ZNF280C: variants seen among roughly 807,000 people sequenced by gnomAD.
ZNF280C encodes the protein zinc finger protein 280C, also known as suppressor of hairy wing homolog 3.
In ZNF280C, 14 loss-of-function variants were observed where a neutral mutation model predicts 53.6. That is an observed-to-expected ratio of 0.26 (90% CI 0.17 to 0.41). The LOEUF is 0.41. ZNF280C is among the 10% of genes least tolerant of loss of function. The pLI, the probability that ZNF280C is intolerant of heterozygous loss-of-function variation, is 1.00. For synonymous variants in ZNF280C, 203 were observed against 181.1 expected, an observed-to-expected ratio of 1.12 and a Z score of -0.97; for missense variants, 416 against 547.1, an observed-to-expected ratio of 0.76 and a Z score of 2.39.
intron 8 of ZNF280C, among the ~76,000 whole-genome samples, 163 bp from the exon 9 acceptor site, chrX:130,230,890 T>TA (rs1225470956): frequency 1.8e-5 from 2 of 111,932 alleles, no homozygotes; most frequent in Non-Finnish European, 3.8e-5. Context: ...TTACATATTC[T>TA]AAAAAAATTC....
At chrX:130,268,396 A>T (rs2032713102) in intron 1 of ZNF280C, among the ~76,000 whole-genome samples, 2 of 111,785 alleles carry the variant, frequency 1.8e-5, no homozygotes, top group African/African-American at 6.5e-5. Flanking sequence ...TATCAACCGT[A>T]CAAAAGACGA....
intron 3 of ZNF280C, among the ~76,000 whole-genome samples, chrX:130,245,575 T>G (rs950045409): frequency 9.0e-6 from 1 of 111,542 alleles, no homozygotes; most frequent in Admixed American, 9.5e-5. Context: ...CCAAGAGAAG[T>G]AAGAACTAGG....
At chrX:130,233,462 C>T (rs960672369) in intron 8 of ZNF280C, among the ~76,000 whole-genome samples, 11 of 108,859 alleles carry the variant, frequency 1.0e-4, no homozygotes, top group East Asian at 2.9e-4. Context: ...ACTAAAAATA[C>T]GAAATTAGCT....
chrX:130,262,129 G>C (rs1169474906), intron 1 of ZNF280C, among the ~76,000 whole-genome samples: 1 of 112,197 alleles, frequency 8.9e-6, no homozygotes, highest in Non-Finnish European at 1.9e-5. Context: ...AGCCACCAAA[G>C]AGTCTCAATT....
intron 5 of ZNF280C, among the ~76,000 whole-genome samples, chrX:130,240,816 C>T (rs1230194872): frequency 8.9e-6 from 1 of 111,909 alleles, no homozygotes; most frequent in African/African-American, 3.2e-5. Flanking sequence ...ATTCAGAAGA[C>T]CTGTCCATTT....
At chrX:130,240,699 C>A (rs1164526200) in intron 5 of ZNF280C, among the ~76,000 whole-genome samples, 1 of 112,067 alleles carries the variant, frequency 8.9e-6, no homozygotes, top group Non-Finnish European at 1.9e-5. Flanking sequence ...CATTATTCAA[C>A]AAACAACCTG....
intron 2 of ZNF280C, among the ~76,000 whole-genome samples, chrX:130,250,297 G>A (rs1045670241): frequency 1.8e-5 from 2 of 111,595 alleles, no homozygotes; most frequent in Non-Finnish European, 3.8e-5. Flanking sequence ...AATCAGAGCT[G>A]AACTGAAGGA....
intron 15 of ZNF280C, among the ~76,000 whole-genome samples, 182 bp downstream of exon 15, chrX:130,215,011 C>T (rs1170148629): frequency 8.9e-6 from 1 of 111,855 alleles, no homozygotes; most frequent in African/African-American, 3.2e-5. Flanking sequence ...GAGTTTTTGT[C>T]CCAGTAATTT....
chrX:130,203,792 A>C lies in ZNF280C; in HGVS notation c.*1185T>G, dbSNP rs2031940848. On this transcript the variant is annotated 3_prime_UTR_variant, in exon 19 of 19. Coordinates refer to ENST00000370978, the MANE Select transcript of ZNF280C (RefSeq NM_017666.5). Reference sequence around the variant, plus strand: ...ATTGTAGAAATTTTGTTTTTCCAAAAACAAGAAAGTAACCTTGGTTCCCAA... The same window carrying C: ...ATTGTAGAAATTTTGTTTTTCCAAACACAAGAAAGTAACCTTGGTTCCCAA... 1 of 112,653 alleles carries C rather than the reference A, an allele frequency of 8.9e-6. No individual in the cohort carries two copies. Among genetic ancestry groups the C allele is most frequent in the Admixed American group, 9.4e-5 (1 of 10,595 alleles). The allele number at this position is 112,653 out of a possible 1,213,427, so 9.3% of individuals were successfully genotyped here.
chrX:130,222,421 A>G (rs2032177636), intron 12 of ZNF280C, among the ~76,000 whole-genome samples: 3 of 111,049 alleles, frequency 2.7e-5, no homozygotes, highest in South Asian at 7.6e-4. Context: ...TCCTTGGCAT[A>G]TATTAGGCAC....
intron 13 of ZNF280C, among the ~76,000 whole-genome samples, chrX:130,217,335 A>C (rs895569122): frequency 1.8e-5 from 2 of 112,276 alleles, no homozygotes; most frequent in Non-Finnish European, 3.8e-5. Context: ...AAGCGAAAGA[A>C]ACCAGTCCCT....
In ZNF280C at chrX:130,204,618, G is replaced by C. The variant is rs1339651343; in HGVS notation, c.*359C>G. On this transcript the variant is annotated 3_prime_UTR_variant, in exon 19 of 19. Transcript: ENST00000370978. Reference sequence around the variant, plus strand: ...AAAAATGGTTATCTGACCTAAACATGTAAGACTTATAAGAAATTAAGAAAG... The same window carrying C: ...AAAAATGGTTATCTGACCTAAACATCTAAGACTTATAAGAAATTAAGAAAG... 6.1e-6 allele frequency: 1 copy of C among 164,985 alleles called. No individual in the cohort carries two copies. 13.6% of individuals were successfully genotyped at this position (164,985 alleles called of 1,213,427 possible). A position where few individuals can be genotyped will look rare whatever the true frequency, so the allele number is the denominator to read the frequency against.
chrX:130,205,371 G>T lies in ZNF280C; in HGVS notation c.2087C>A (p.Ser696Tyr), dbSNP rs757564028. ...VCLKCDFLAD[S>Y]SGLDRMAKHL... ...TTTAGCCATACGATCTAAGCCGGAA[G>T]AATCAGCTAGGAAATCACATTTAAG... Residue 696 changes from serine to tyrosine, a missense_variant, in exon 17 of 19, where the codon TCT becomes TAT. Ser to Tyr is a moderately radical substitution (Grantham distance 144). This residue lies in a region of ZNF280C where 151 missense variants were observed against 176.9 expected (regional missense o/e 0.85). Transcript: ENST00000370978. 1 of 1,205,608 alleles carries T rather than the reference G, an allele frequency of 8.3e-7. No homozygotes were observed. Among genetic ancestry groups the T allele is most frequent in the African/African-American group, 1.8e-5 (1 of 56,703 alleles).
intron 16 of ZNF280C, 114 bp from the exon 17 acceptor site, chrX:130,205,529 C>A (rs937380848): frequency 2.1e-6 from 1 of 468,670 alleles, no homozygotes; most frequent in East Asian, 3.9e-5. Context: ...TCTCCACAAC[C>A]GTCATTTTCC....
At chrX:130,209,979 A>G (rs1290219348) in intron 15 of ZNF280C, among the ~76,000 whole-genome samples, 1 of 111,181 alleles carries the variant, frequency 9.0e-6, no homozygotes, top group Non-Finnish European at 1.9e-5. Flanking sequence ...CAGAGCCCTT[A>G]TGAGATTAGT....
chrX:130,239,176 G>A (rs2032363214), intron 6 of ZNF280C, among the ~76,000 whole-genome samples: 1 of 111,464 alleles, frequency 9.0e-6, no homozygotes, highest in Non-Finnish European at 1.9e-5. Context: ...TGAATAGAAA[G>A]ACATTAGCAT....
chrX:130,223,223 A>C (rs2032187908), intron 12 of ZNF280C, among the ~76,000 whole-genome samples: 1 of 109,974 alleles, frequency 9.1e-6, no homozygotes, highest in African/African-American at 3.3e-5. Flanking sequence ...CACCCAGCTA[A>C]TTTTTTTTAT....
chrX:130,226,935 T>C (rs1213849908), intron 11 of ZNF280C, 30 bp from the exon 12 acceptor site: 1 of 1,160,919 alleles, frequency 8.6e-7, no homozygotes, highest in South Asian at 2.0e-5. Context: ...TTAGTTTAAC[T>C]TGATATTTTA....
intron 16 of ZNF280C, among the ~76,000 whole-genome samples, chrX:130,206,843 T>C (rs766396747): frequency 8.9e-6 from 1 of 112,184 alleles, no homozygotes; most frequent in East Asian, 2.8e-4. Context: ...ATCTCTGACT[T>C]TCTTCTTACG....
Sources: gnomAD v4.1 joint callset for allele counts (sites outside exome capture counted in the v4.1 genomes callset) on GRCh38, gnomAD v4.1.1 for gene constraint, gnomAD v4.1.1 regional missense constraint, MANE v1.5 for transcripts, NCBI Gene and HGNC (gene_info 2026-07-23, HGNC 2026-07-21) for gene names.